Variants in PCBP3 observed in about 807,000 individuals in gnomAD.
PCBP3 encodes poly(rC)-binding protein 3.
In PCBP3, 25 loss-of-function variants were observed where a neutral mutation model predicts 52.7. The ratio of observed to expected loss-of-function variants is 0.47; its 90% CI spans 0.35 to 0.66. The LOEUF is 0.66. Ranked by LOEUF, PCBP3 falls within the 30% of genes least tolerant of loss-of-function variation. The pLI, the probability that PCBP3 is intolerant of heterozygous loss-of-function variation, is 0.01. For missense variants in PCBP3, 391 were observed against 490.3 expected, an observed-to-expected ratio of 0.80 and a Z score of 1.91; for synonymous variants, 162 against 183.0, an observed-to-expected ratio of 0.89 and a Z score of 0.93.
At chr21:45,881,415 C>T (rs2148788693) in intron 5 of PCBP3, among the ~76,000 whole-genome samples, 1 of 152,156 alleles carries the variant, frequency 6.6e-6, no homozygotes, top group East Asian at 1.9e-4. Flanking sequence ...CACCTGTCTC[C>T]CAGGAGTTGA....
chr21:45,849,405 C>G (rs929350191), intron 4 of PCBP3, among the ~76,000 whole-genome samples: 2 of 152,156 alleles, frequency 1.3e-5, no homozygotes, highest in African/African-American at 4.8e-5. Context: ...GGGGTTTCAC[C>G]ATGTTGCCCA....
intron 14 of PCBP3, 81 bp downstream of exon 14, chr21:45,930,076 T>G (rs1321257544): frequency 1.0e-6 from 1 of 993,132 alleles, no homozygotes; most frequent in Admixed American, 1.9e-5. Flanking sequence ...TTCGGTGCAG[T>G]GCATAGAACA....
chr21:45,922,294 C>T (rs1359372821), intron 13 of PCBP3, among the ~76,000 whole-genome samples: 1 of 152,224 alleles, frequency 6.6e-6, no homozygotes, highest in African/African-American at 2.4e-5. Context: ...TGGCTCTCTC[C>T]TGCGATCCCA....
intron 4 of PCBP3, chr21:45,760,702 G>A (rs1410860725): frequency 2.0e-5 from 3 of 152,192 alleles, no homozygotes; most frequent in Admixed American, 6.5e-5. Flanking sequence ...AACACAGAAA[G>A]ATGAGAAAAG....
chr21:45,752,176 C>G (rs753396225), intron 3 of PCBP3, among the ~76,000 whole-genome samples: 10 of 151,976 alleles, frequency 6.6e-5, no homozygotes, highest in Non-Finnish European at 1.2e-4. Flanking sequence ...AATTAGAAAG[C>G]CTTTTTCTAC....
intron 2 of PCBP3, among the ~76,000 whole-genome samples, chr21:45,723,012 C>CA (rs201388146): frequency 8.2e-4 from 112 of 136,714 alleles, no homozygotes; most frequent in East Asian, 3.3e-3. Context: ...AGACCCGTCT[C>CA]AAAAAAAAAA....
intron 14 of PCBP3, 29 bp downstream of exon 14, chr21:45,930,024 T>G (rs1292413972): frequency 6.7e-7 from 1 of 1,485,014 alleles, no homozygotes; most frequent in African/African-American, 1.4e-5. Context: ...TCTCACCTCC[T>G]TCTCTTCTCA....
chr21:45,690,588 C>T (rs1466526978), intron 2 of PCBP3, among the ~76,000 whole-genome samples: 3 of 151,946 alleles, frequency 2.0e-5, no homozygotes, highest in African/African-American at 7.2e-5. Flanking sequence ...AGGACTATTT[C>T]AGAATATACA....
chr21:45,934,371 T>A (rs2076655935), intron 15 of PCBP3, among the ~76,000 whole-genome samples: 1 of 152,194 alleles, frequency 6.6e-6, no homozygotes, highest in African/African-American at 2.4e-5. Context: ...CCAGTACTCA[T>A]GGGGCTTGCA....
At chr21:45,650,451 ATTTC>A (rs1460358924) in intron 1 of PCBP3, among the ~76,000 whole-genome samples, 1 of 151,994 alleles carries the variant, frequency 6.6e-6, no homozygotes, top group Non-Finnish European at 1.5e-5. Context: ...CTTTGTAATA[ATTTC>A]TTTCTTTTTT....
intron 16 of PCBP3, among the ~76,000 whole-genome samples, chr21:45,939,425 A>G (rs959178470): frequency 6.6e-6 from 1 of 152,238 alleles, no homozygotes; most frequent in Non-Finnish European, 1.5e-5. Context: ...GCCAGAGGCC[A>G]CTGTGTTCCA....
intron 1 of PCBP3, among the ~76,000 whole-genome samples, chr21:45,667,587 T>G (rs2080890782): frequency 6.6e-6 from 1 of 152,180 alleles, no homozygotes; most frequent in Non-Finnish European, 1.5e-5. Context: ...CATTCTTTAA[T>G]CCTTTAGACA....
chr21:45,857,954 G>T (rs2094365555), intron 5 of PCBP3, among the ~76,000 whole-genome samples: 1 of 152,134 alleles, frequency 6.6e-6, no homozygotes, highest in African/African-American at 2.4e-5. Context: ...GAGGGCAGGG[G>T]TGTTGCCTCC....
chr21:45,841,202 G>A (rs1239126980), intron 4 of PCBP3, among the ~76,000 whole-genome samples: 2 of 152,194 alleles, frequency 1.3e-5, no homozygotes, highest in Non-Finnish European at 2.9e-5. Flanking sequence ...GCAGGACTGT[G>A]TGTCTCCCCA....
At chr21:45,809,486 T>C (rs2092614759) in intron 4 of PCBP3, among the ~76,000 whole-genome samples, 1 of 152,098 alleles carries the variant, frequency 6.6e-6, no homozygotes, top group Admixed American at 6.6e-5. Flanking sequence ...TCACTGGGGC[T>C]GGAGTTGCTG....
At chr21:45,866,318 T>G (rs2094722476) in intron 5 of PCBP3, among the ~76,000 whole-genome samples, 3 of 152,182 alleles carry the variant, frequency 2.0e-5, no homozygotes. Flanking sequence ...GACAGACCTG[T>G]GGCCCAGTGA....
At chr21:45,923,743 A>G (rs1215744853) in intron 13 of PCBP3, among the ~76,000 whole-genome samples, 5 of 152,278 alleles carry the variant, frequency 3.3e-5, no homozygotes, top group African/African-American at 4.8e-5. Context: ...CCCAAACAGG[A>G]TAAACAAATA....
In PCBP3 at chr21:45,790,952, A is replaced by C. The variant is rs146449355; in HGVS notation, c.-126+35500A>C. Among the ~76,000 whole-genome samples, 179 of 152,296 alleles carry C rather than the reference A, an allele frequency of 1.2e-3. 3 individuals carry two copies. In the East Asian group the frequency reaches 0.029, roughly 25 times the overall value. The stretch of plus-strand genomic sequence containing the variant: ...GAAGGAAGCCAGTTTTGAGAGTGGA[A>C]GAAACAGTAGGTTGTTTCTGTGTAG... On this transcript the variant is annotated intron_variant, in intron 4 of 17. Coordinates refer to ENST00000681687, the MANE Select transcript of PCBP3 (RefSeq NM_001384156.1).
chr21:45,871,125 C>T, intron 5 of PCBP3: 1 of 183,892 alleles, frequency 5.4e-6, no homozygotes, highest in Non-Finnish European at 1.1e-5. Flanking sequence ...CCAGGGAAGG[C>T]CGTGCAGCCC....
Sources: gnomAD v4.1 joint callset for allele counts (sites outside exome capture counted in the v4.1 genomes callset) on GRCh38, gnomAD v4.1.1 for gene constraint, MANE v1.5 for transcripts, NCBI Gene and HGNC (gene_info 2026-07-23, HGNC 2026-07-21) for gene names.